SLC4A4: variants seen among roughly 807,000 people sequenced by gnomAD.
The protein encoded by SLC4A4 is solute carrier family 4 member 4, also known as electrogenic sodium bicarbonate cotransporter 1.
In SLC4A4, 27 loss-of-function variants were observed where a neutral mutation model predicts 111.5. The observed-to-expected ratio is 0.24, with a 90% CI of 0.18 to 0.33. SLC4A4 has a LOEUF of 0.33. Among genes scored for constraint, SLC4A4 ranks in the 10% least tolerant of loss-of-function variants. The pLI, the probability that SLC4A4 is intolerant of heterozygous loss-of-function variation, is 1.00. For synonymous variants in SLC4A4, 443 were observed against 463.4 expected (o/e 0.96, Z 0.57); for missense variants, 909 against 1,315.5 (o/e 0.69, Z 4.78).
At chr4:71,206,119 T>G (rs1717749489) in intron 1 of SLC4A4, among the ~76,000 whole-genome samples, 1 of 152,236 alleles carries the variant, frequency 6.6e-6, no homozygotes, top group African/African-American at 2.4e-5. Context: ...CCTGTAAGTT[T>G]GTATACTAAT....
At chr4:71,239,184 T>A (rs1720013668) in intron 2 of SLC4A4, among the ~76,000 whole-genome samples, 1 of 152,220 alleles carries the variant, frequency 6.6e-6, no homozygotes, top group South Asian at 2.1e-4. Context: ...TTTTCTTTTA[T>A]GAAAGTAGTT....
chr4:71,142,786 A>G lies in SLC4A4; in HGVS notation c.-2+49994A>G, dbSNP rs546721858. Among the ~76,000 whole-genome samples, 206 of 37,780 alleles carry G rather than the reference A, an allele frequency of 5.5e-3. 2 individuals are homozygous for G. The highest frequency in any genetic ancestry group is 0.023 in the Middle Eastern group (2 of 86). 24.8% of individuals were successfully genotyped at this position (37,780 alleles called of 152,430 possible). Reference sequence around the variant, plus strand: ...CTTTTTTTTTTTTTTTTTTTTTTTTAGCTTTCTACAGCTTTAATTTGGTTT... The same window carrying G: ...CTTTTTTTTTTTTTTTTTTTTTTTTGGCTTTCTACAGCTTTAATTTGGTTT... On this transcript the variant is annotated intron_variant, in intron 2 of 26. Transcript: ENST00000649996.
intron 2 of SLC4A4, among the ~76,000 whole-genome samples, chr4:71,107,367 G>A (rs1487320661): frequency 6.6e-6 from 1 of 151,564 alleles, no homozygotes; most frequent in Non-Finnish European, 1.5e-5. Flanking sequence ...GTTTTTTTGA[G>A]ATGGAGTCTA....
Position 71,300,669 on chromosome 4 carries a change from C to A in SLC4A4, c.254-38701C>A, listed in dbSNP as rs1014439547. 3.1e-5 allele frequency: 12 copies of A among 383,052 alleles called. No homozygotes were observed. In the East Asian group the frequency reaches 8.3e-4, roughly 26 times the overall value. 23.7% of individuals were successfully genotyped at this position (383,052 alleles called of 1,614,324 possible). Reference sequence around the variant, plus strand: ...AGATGAGGCAGTCCAGGATGAGGAGCAGCAGGCCCAGCGGAGTGATATGTA... The same window carrying A: ...AGATGAGGCAGTCCAGGATGAGGAGAAGCAGGCCCAGCGGAGTGATATGTA... On this transcript the variant is annotated intron_variant, in intron 3 of 25. Transcript: ENST00000264485.
chr4:71,488,922 GT>G lies in SLC4A4; in HGVS notation c.1974+1905del, dbSNP rs1210540974. On this transcript the variant is annotated intron_variant, in intron 15 of 25. Coordinates refer to ENST00000264485, the MANE Select transcript of SLC4A4 (RefSeq NM_001098484.3). ...TGTGTGTGTGTGTGTGTGTGTGTGTGTGTGTGGTCATGAAGGCCAACTTTTA... is the reference window on the plus strand; with the variant it reads ...TGTGTGTGTGTGTGTGTGTGTGTGTGGTGTGGTCATGAAGGCCAACTTTTA... Among the ~76,000 whole-genome samples the G allele has an allele frequency of 6.3e-4, 95 of 151,272 alleles. 1 individual carries two copies. In the East Asian group the frequency reaches 9.8e-3, roughly 16 times the overall value.
chr4:71,395,919 A>T (rs1719784048), intron 6 of SLC4A4, among the ~76,000 whole-genome samples: 1 of 152,178 alleles, frequency 6.6e-6, no homozygotes, highest in Non-Finnish European at 1.5e-5. Flanking sequence ...ATTCAGATTT[A>T]TTCACTTATT....
At chr4:71,287,576 G>T (rs1302280988) in intron 3 of SLC4A4, among the ~76,000 whole-genome samples, 3 of 152,180 alleles carry the variant, frequency 2.0e-5, no homozygotes, top group African/African-American at 7.2e-5. Context: ...TCAATGTACA[G>T]TATGGCCTTT....
intron 6 of SLC4A4, among the ~76,000 whole-genome samples, chr4:71,367,045 G>A (rs186430707): frequency 1.3e-5 from 2 of 152,300 alleles, no homozygotes; most frequent in East Asian, 1.9e-4. Flanking sequence ...CTTTGCTGGC[G>A]AGTGCCAGGC....
In SLC4A4 at chr4:71,560,234, C is replaced by A; in HGVS notation, c.3079C>A (p.Leu1027Met). Reference sequence around the variant, plus strand: ...GAAAAAGAAAAAGAAGAAGGGAAGTCTGGACAGTGACAATGATGATGTAAG... The same window carrying A: ...GAAAAAGAAAAAGAAGAAGGGAAGTATGGACAGTGACAATGATGATGTAAG... ...EKKKKKKKGSLDSDNDDSDCP... is the reference protein window; with the variant it reads ...EKKKKKKKGSMDSDNDDSDCP... The change falls in exon 23 of 26, where the codon CTG (leucine) becomes ATG (methionine). Residue 1027 changes from leucine to methionine, a missense_variant. Physicochemically the swap from Leu to Met is conservative, Grantham distance 15. Coordinates refer to ENST00000264485, the MANE Select transcript of SLC4A4 (RefSeq NM_001098484.3). The A allele has an allele frequency of 6.2e-7, 1 of 1,609,118 alleles. No individual in the cohort carries two copies. Among genetic ancestry groups the A allele is most frequent in the South Asian group, 1.1e-5 (1 of 90,894 alleles).
At chr4:71,337,957 G>A (rs1728567155) in intron 3 of SLC4A4, among the ~76,000 whole-genome samples, 1 of 151,966 alleles carries the variant, frequency 6.6e-6, no homozygotes, top group African/African-American at 2.4e-5. Flanking sequence ...ACCCTCTTGA[G>A]TAGCTGGGAA....
At chr4:71,140,414 C>T (rs1416793891) in intron 2 of SLC4A4, among the ~76,000 whole-genome samples, 1 of 151,992 alleles carries the variant, frequency 6.6e-6, no homozygotes, top group Admixed American at 6.6e-5. Flanking sequence ...AAATGAGACC[C>T]TGTTGCAAAA....
rs1403189255 is a variant in SLC4A4, at chr4:71,156,586, G to GCGCGCGCGCA, written c.-2+63797_-2+63798insGCGCGCACGC. 5.0e-3 allele frequency among the ~76,000 whole-genome samples: 544 copies of GCGCGCGCGCA among 108,384 alleles called. 4 individuals carry two copies. Among genetic ancestry groups the GCGCGCGCGCA allele is most frequent in the African/African-American group, 0.019 (517 of 27,042 alleles). The allele number at this position is 108,384 out of a possible 152,430, so 71.1% of individuals were successfully genotyped here. ...TGTGTGCGCGCATGCGCGCGCGCGC[G>GCGCGCGCGCA]CGCACACACACACACACACACACAC... On this transcript the variant is annotated intron_variant, in intron 2 of 26. Coordinates refer to the SLC4A4 transcript ENST00000649996.
In SLC4A4 at chr4:71,487,034, T is replaced by TGTCATTAGA; in HGVS notation, c.1974+16_1974+17insGTCATTAGA. 1 of 1,479,714 alleles carries TGTCATTAGA rather than the reference T, an allele frequency of 6.8e-7. No homozygotes were observed. Among genetic ancestry groups the TGTCATTAGA allele is most frequent in the South Asian group, 1.1e-5 (1 of 88,138 alleles). 91.7% of individuals were successfully genotyped at this position (1,479,714 alleles called of 1,614,324 possible). A position where few individuals can be genotyped will look rare whatever the true frequency, so the allele number is the denominator to read the frequency against. ...TACTGACATGGTAAGTGACTTACTA[T>TGTCATTAGA]TTTAAATTACCTTCATACTGACTGC... On this transcript the variant is annotated intron_variant, in intron 15 of 25. Coordinates refer to ENST00000264485, the MANE Select transcript of SLC4A4 (RefSeq NM_001098484.3).
At chr4:71,341,893 A>G (rs766406780) in intron 4 of SLC4A4, among the ~76,000 whole-genome samples, 2 of 152,182 alleles carry the variant, frequency 1.3e-5, no homozygotes, top group Non-Finnish European at 2.9e-5. Flanking sequence ...TATCTTTCAT[A>G]ACTTAAACAA....
chr4:71,117,449 G>A (rs1200678175), intron 2 of SLC4A4, among the ~76,000 whole-genome samples: 8 of 152,078 alleles, frequency 5.3e-5, no homozygotes, highest in African/African-American at 1.7e-4. Flanking sequence ...TTGTTTTAAC[G>A]GTAAATTTTA....
At chr4:71,174,669 C>T (rs537250954) in intron 2 of SLC4A4, among the ~76,000 whole-genome samples, 1 of 152,246 alleles carries the variant, frequency 6.6e-6, no homozygotes, top group African/African-American at 2.4e-5. Context: ...ACTGCCACTC[C>T]ACCTATTTTT....
At chr4:71,266,860 T>C (rs576326612) in intron 3 of SLC4A4, among the ~76,000 whole-genome samples, 1 of 152,342 alleles carries the variant, frequency 6.6e-6, no homozygotes, top group South Asian at 2.1e-4. Context: ...GAAATATTTA[T>C]GGAGTACTTT....
At chr4:71,169,109 C>T (rs1264747190) in intron 2 of SLC4A4, among the ~76,000 whole-genome samples, 1 of 151,756 alleles carries the variant, frequency 6.6e-6, no homozygotes, top group Non-Finnish European at 1.5e-5. Context: ...ACCTCCGCCT[C>T]CCAGATTCTC....
At chr4:71,467,990 A>G (rs1053527631) in intron 13 of SLC4A4, among the ~76,000 whole-genome samples, 2 of 152,088 alleles carry the variant, frequency 1.3e-5, no homozygotes, top group African/African-American at 2.4e-5. Flanking sequence ...CTTTGAAAGT[A>G]TGTGTGTTAT....
Sources: allele counts gnomAD v4.1 joint callset (sites outside exome capture counted in the v4.1 genomes callset), GRCh38; gene constraint gnomAD v4.1.1; transcripts MANE v1.5; gene names NCBI Gene and HGNC (gene_info 2026-07-23, HGNC 2026-07-21).